Variants in LAMA2 observed in about 807,000 individuals in gnomAD.
The protein encoded by LAMA2 is laminin subunit alpha 2.
Under a neutral mutation model 364.8 loss-of-function variants are expected in LAMA2, and 269 were observed. The ratio of observed to expected loss-of-function variants is 0.74; its 90% CI spans 0.67 to 0.82. LAMA2 has a LOEUF of 0.82. Among genes scored for constraint, LAMA2 ranks in the 40% least tolerant of loss-of-function variants. The pLI is 0.00. For missense variants in LAMA2, 3,807 were observed against 3,873.2 expected, an observed-to-expected ratio of 0.98 and a Z score of 0.45; for synonymous variants, 1,379 against 1,370.6, an observed-to-expected ratio of 1.01 and a Z score of -0.14.
chr6:129,323,911 C>T (rs957019145), intron 28 of LAMA2, among the ~76,000 whole-genome samples: 1 of 152,142 alleles, frequency 6.6e-6, no homozygotes, highest in Non-Finnish European at 1.5e-5. Flanking sequence ...TCTATTGGAT[C>T]GCCACTCAGA....
chr6:129,260,497 A>T (rs1245127782), intron 14 of LAMA2, among the ~76,000 whole-genome samples: 2 of 152,110 alleles, frequency 1.3e-5, no homozygotes, highest in South Asian at 2.1e-4. Flanking sequence ...TCTTTTCAGC[A>T]TTTGGAGGTG....
rs1889891 is a variant in LAMA2 at position 129,492,201 on chromosome 6, C to T, written c.8076-114C>T. Reference sequence around the variant, plus strand: ...GGAGGGAAACAATGAGGATCTTCAACTTAGACTGAGAAAAGCACACTAATG... The same window carrying T: ...GGAGGGAAACAATGAGGATCTTCAATTTAGACTGAGAAAAGCACACTAATG... On this transcript the variant is annotated intron_variant, in intron 57 of 64. Transcript: ENST00000421865. The T allele has an allele frequency of 0.3, 419,111 of 1,419,516 alleles. 65,680 individuals carry two copies. The highest frequency in any genetic ancestry group is 0.56 in the African/African-American group (39,692 of 70,524). 87.9% of individuals were successfully genotyped at this position (1,419,516 alleles called of 1,614,324 possible). A position where few individuals can be genotyped will look rare whatever the true frequency, so the allele number is the denominator to read the frequency against.
At chr6:129,462,101 G>A (rs989314869) in intron 49 of LAMA2, among the ~76,000 whole-genome samples, 1 of 151,990 alleles carries the variant, frequency 6.6e-6, no homozygotes, top group Non-Finnish European at 1.5e-5. Context: ...CCTGAAACCA[G>A]TAAGAGCAAA....
intron 1 of LAMA2, among the ~76,000 whole-genome samples, chr6:128,956,391 A>G (rs1274605721): frequency 1.3e-5 from 2 of 151,984 alleles, no homozygotes; most frequent in Admixed American, 1.3e-4. Flanking sequence ...AAGCCGTGAG[A>G]TAATGCAGCC....
At chr6:129,023,345 T>A (rs1311870113) in intron 1 of LAMA2, among the ~76,000 whole-genome samples, 1 of 152,212 alleles carries the variant, frequency 6.6e-6, no homozygotes, top group Non-Finnish European at 1.5e-5. Context: ...TCTTTGTAGG[T>A]AACCTTTATA....
intron 41 of LAMA2, among the ~76,000 whole-genome samples, chr6:129,435,084 A>T (rs1781772202): frequency 6.6e-6 from 1 of 152,132 alleles, no homozygotes; most frequent in African/African-American, 2.4e-5. Flanking sequence ...CAGTCTTCTG[A>T]ATAATTGGCC....
At chr6:128,890,182 A>C (rs1484439493) in intron 1 of LAMA2, among the ~76,000 whole-genome samples, 1 of 152,178 alleles carries the variant, frequency 6.6e-6, no homozygotes, top group Non-Finnish European at 1.5e-5. Context: ...GATTGGTATA[A>C]TAATATGTAG....
At chr6:129,026,189 A>G (rs1416406500) in intron 1 of LAMA2, among the ~76,000 whole-genome samples, 1 of 151,808 alleles carries the variant, frequency 6.6e-6, no homozygotes, top group Non-Finnish European at 1.5e-5. Context: ...AAATCATGAT[A>G]TCAATTATCT....
At chr6:129,035,808 C>A (rs550174507) in intron 1 of LAMA2, among the ~76,000 whole-genome samples, 1 of 151,978 alleles carries the variant, frequency 6.6e-6, no homozygotes, top group South Asian at 2.1e-4. Flanking sequence ...TTTATTTTTG[C>A]ATTCTCTATT....
At chr6:129,123,305 CAA>C (rs964224907) in intron 4 of LAMA2, among the ~76,000 whole-genome samples, 16 of 96,970 alleles carry the variant, frequency 1.6e-4, no homozygotes, top group Non-Finnish European at 2.2e-4. Flanking sequence ...GACTCTGTCT[CAA>C]AAAAAAAAAA....
intron 41 of LAMA2, among the ~76,000 whole-genome samples, chr6:129,436,113 C>T (rs986638748): frequency 1.3e-5 from 2 of 152,138 alleles, no homozygotes; most frequent in Non-Finnish European, 2.9e-5. Context: ...TTTTTTAAAA[C>T]ATTGAAAAAC....
In LAMA2 at chr6:129,514,439, C is replaced by T; in HGVS notation, c.9055C>T (p.His3019Tyr). 2 of 1,613,992 alleles carry T rather than the reference C, an allele frequency of 1.2e-6. No homozygotes were observed. The highest frequency in any genetic ancestry group is 1.7e-6 in the Non-Finnish European group (2 of 1,179,964). Residue 3019 changes from histidine to tyrosine, a missense_variant, in exon 64 of 65, where the codon CAT becomes TAT. Coordinates refer to ENST00000421865, the MANE Select transcript of LAMA2 (RefSeq NM_000426.4). ...TAVYDAGVPG[H>Y]LCDGQWHKVT... ...TGTCTATGATGCTGGGGTTCCAGGG[C>T]ATTTGTGTGATGGACAATGGCATAA...
chr6:129,393,120 G>A lies in LAMA2; in HGVS notation c.5310G>A (p.Lys1770=), dbSNP rs946706048. 3 of 1,613,880 alleles carry A rather than the reference G, an allele frequency of 1.9e-6. No individual in the cohort carries two copies. Among genetic ancestry groups the A allele is most frequent in the African/African-American group, 2.7e-5 (2 of 74,902 alleles). The change falls in exon 37 of 65, where the codon AAG becomes AAA. Residue 1770 remains lysine (K), a synonymous_variant. Transcript: ENST00000421865. ...ESRGENEEME[K]DLREKLADYK... ...GGGGGGAAAATGAAGAAATGGAGAA[G>A]GATCTCCGGGAAAAACTGGCTGACT...
chr6:129,463,971 C>T (rs1437063608), intron 49 of LAMA2, among the ~76,000 whole-genome samples: 1 of 151,844 alleles, frequency 6.6e-6, no homozygotes, highest in Non-Finnish European at 1.5e-5. Flanking sequence ...TCCAGAAACC[C>T]CGCCCCTTTG....
At chr6:129,094,373 C>T (rs1028741905) in intron 3 of LAMA2, among the ~76,000 whole-genome samples, 2 of 152,158 alleles carry the variant, frequency 1.3e-5, no homozygotes, top group Non-Finnish European at 2.9e-5. Flanking sequence ...CTCATTCAGT[C>T]TTCTGTAAGG....
intron 9 of LAMA2, among the ~76,000 whole-genome samples, chr6:129,175,875 G>C (rs565398553): frequency 6.6e-5 from 10 of 152,144 alleles, no homozygotes; most frequent in African/African-American, 1.9e-4. Flanking sequence ...AAACATGTTT[G>C]TGGTAGTTCT....
intron 37 of LAMA2, among the ~76,000 whole-genome samples, chr6:129,395,604 A>G (rs1207955478): frequency 6.6e-6 from 1 of 152,226 alleles, no homozygotes; most frequent in African/African-American, 2.4e-5. Context: ...TATAAACACT[A>G]AAACACCATC....
chr6:129,312,773 A>T, intron 22 of LAMA2, 88 bp from the exon 23 acceptor site: 1 of 898,718 alleles, frequency 1.1e-6, no homozygotes, highest in Non-Finnish European at 1.8e-6. Flanking sequence ...ATATGTGTTT[A>T]ATGGAAGCAT....
At chr6:128,895,468 TAAAA>T (rs34458994) in intron 1 of LAMA2, among the ~76,000 whole-genome samples, 3 of 65,826 alleles carry the variant, frequency 4.6e-5, no homozygotes, top group Non-Finnish European at 6.1e-5. Flanking sequence ...CTGTCTCTAC[TAAAA>T]AAAAAAAAAA....
Sources: gnomAD v4.1 joint callset for allele counts (sites outside exome capture counted in the v4.1 genomes callset) on GRCh38, gnomAD v4.1.1 for gene constraint, MANE v1.5 for transcripts, NCBI Gene and HGNC (gene_info 2026-07-23, HGNC 2026-07-21) for gene names.